The following GABRR3 variants were observed in gnomAD, a reference collection of about 807,000 sequenced individuals.
The protein encoded by GABRR3 is gamma-aminobutyric acid receptor subunit rho-3.
In GABRR3, 29 loss-of-function variants were observed where a neutral mutation model predicts 43.2. That is an observed-to-expected ratio of 0.67 (90% confidence interval 0.50 to 0.92). The LOEUF (loss-of-function observed/expected upper bound fraction) is 0.92, where lower values mean the gene tolerates loss of function less well. Among genes scored for constraint, GABRR3 ranks in the 40% least tolerant of loss-of-function variants. The pLI, the probability that GABRR3 is intolerant of heterozygous loss-of-function variation, is 0.00. For synonymous variants in GABRR3, 206 were observed against 195.9 expected, an observed-to-expected ratio of 1.05 and a Z score of -0.43; for missense variants, 576 against 572.3, an observed-to-expected ratio of 1.01 and a Z score of -0.07.
chr3:98,027,940 C>A (rs1707043354), intron 2 of GABRR3, among the ~76,000 whole-genome samples: 1 of 151,792 alleles, frequency 6.6e-6, no homozygotes, highest in Non-Finnish European at 1.5e-5. Context: ...TTATATCATT[C>A]TTTTTTTAAA....
In GABRR3 at chr3:98,029,516, A is replaced by G. The variant is rs377486942; in HGVS notation, c.126-3837T>C. Among the ~76,000 whole-genome samples the G allele has an allele frequency of 5.9e-5, 9 of 152,276 alleles. No individual in the cohort carries two copies. The East Asian group carries it at 1.2e-3, about 20-fold the overall frequency. On this transcript the variant is annotated intron_variant, in intron 2 of 9. Coordinates refer to ENST00000621172, the Ensembl canonical transcript of GABRR3. Reference sequence around the variant, plus strand: ...ACTCATTCTGCGGCATTGGAGTTTTATAAGTGGAATGATAAAAAATCATCT... The same window carrying G: ...ACTCATTCTGCGGCATTGGAGTTTTGTAAGTGGAATGATAAAAAATCATCT...
chr3:97,988,894 T>C (rs1044136902), intron 9 of GABRR3, among the ~76,000 whole-genome samples: 3 of 143,064 alleles, frequency 2.1e-5, no homozygotes, highest in Admixed American at 2.1e-4. Flanking sequence ...TAGTGGTGGA[T>C]AGTGGTGGTG....
chr3:98,030,975 C>G lies in GABRR3; in HGVS notation c.125+3888G>C, dbSNP rs534830599. ...TCCAATTTTTCATCACGAAGAAAAC[C>G]TTCATAATTCTTGATCCAATCTTTA... is the stretch of plus-strand genomic sequence containing the variant. On this transcript the variant is annotated intron_variant, in intron 2 of 9. Transcript: ENST00000621172. 5.3e-5 allele frequency among the ~76,000 whole-genome samples: 8 copies of G among 152,246 alleles called. 1 individual carries two copies. The South Asian group carries it at 1.7e-3, about 32-fold the overall frequency.
chr3:97,990,256 C>T (rs1370725024), intron 9 of GABRR3, among the ~76,000 whole-genome samples: 2 of 152,162 alleles, frequency 1.3e-5, no homozygotes, highest in African/African-American at 4.8e-5. Context: ...GAAGAAATGA[C>T]ACCACTGTGG....
chr3:98,007,695 T>A, intron 7 of GABRR3, 69 bp downstream of exon 7: 1 of 1,555,436 alleles, frequency 6.4e-7, no homozygotes, highest in Non-Finnish European at 8.8e-7. Context: ...TCTTTTCGCA[T>A]GTTGTGGTGC....
At chr3:98,002,472 A>G (rs1443063994) in intron 7 of GABRR3, among the ~76,000 whole-genome samples, 1 of 152,178 alleles carries the variant, frequency 6.6e-6, no homozygotes, top group Non-Finnish European at 1.5e-5. Context: ...ATTGACTACA[A>G]GGAAGTTTAA....
intron 8 of GABRR3, chr3:97,998,898 CA>C (rs1416188595): frequency 4.6e-5 from 7 of 152,064 alleles, no homozygotes; most frequent in Non-Finnish European, 7.4e-5. Context: ...TACATATTTT[CA>C]AATTCTATTT....
chr3:98,017,735 G>C lies in GABRR3; in HGVS notation c.239-13C>G. On this transcript the variant is annotated splice_polypyrimidine_tract_variant and intron_variant, in intron 3 of 9. Coordinates refer to ENST00000621172, the Ensembl canonical transcript of GABRR3. The stretch of plus-strand genomic sequence containing the variant: ...GGCACTGGAGACCCTTAAGAAAGAA[G>C]AATGGTTAATATGCTGAGGAATGCA... 1.3e-6 allele frequency: 2 copies of C among 1,581,848 alleles called. No homozygotes were observed. Among genetic ancestry groups the C allele is most frequent in the Non-Finnish European group, 1.7e-6 (2 of 1,153,540 alleles).
chr3:97,987,031 A>G (rs1432813100), intron 9 of GABRR3, 49 bp from the exon 10 acceptor site: 3 of 1,204,056 alleles, frequency 2.5e-6, no homozygotes, highest in Non-Finnish European at 3.4e-6. Flanking sequence ...GGTTTTACAA[A>G]TAGGAATTAT....
At chr3:97,986,545 C>G (rs1015644505), downstream of GABRR3, 4 of 594,670 alleles carry the variant, frequency 6.7e-6, no homozygotes, top group Non-Finnish European at 1.1e-5. Context: ...GTAAATCAGA[C>G]AGCTTTCAAA....
intron 7 of GABRR3, among the ~76,000 whole-genome samples, chr3:98,007,105 C>T (rs982384242): frequency 5.3e-5 from 8 of 152,052 alleles, no homozygotes; most frequent in East Asian, 3.9e-4. Flanking sequence ...GTCAAATAAA[C>T]GCATAGTTCA....
intron 3 of GABRR3, 67 bp from the exon 4 acceptor site, chr3:98,017,789 A>T: frequency 1.8e-6 from 2 of 1,128,968 alleles, no homozygotes; most frequent in Non-Finnish European, 1.3e-6. Flanking sequence ...CATTTAAAAC[A>T]GAGAGATTAA....
intron 9 of GABRR3, among the ~76,000 whole-genome samples, chr3:97,988,708 T>C (rs568006418): frequency 6.7e-6 from 1 of 148,160 alleles, no homozygotes; most frequent in South Asian, 2.2e-4. Flanking sequence ...TATGTGGTGG[T>C]GGGACTGTTG....
intron 7 of GABRR3, among the ~76,000 whole-genome samples, chr3:98,004,136 T>G (rs766753018): frequency 6.6e-6 from 1 of 152,136 alleles, no homozygotes; most frequent in Non-Finnish European, 1.5e-5. Flanking sequence ...TTTTTATACC[T>G]AGAGACAGTC....
At chr3:98,029,940 C>A (rs1707064715) in intron 2 of GABRR3, among the ~76,000 whole-genome samples, 1 of 151,752 alleles carries the variant, frequency 6.6e-6, no homozygotes, top group Admixed American at 6.6e-5. Context: ...ACATGGTAAA[C>A]CCCATCTCTA....
At chr3:97,998,916 C>T (rs140429675) in intron 8 of GABRR3, 7 of 152,172 alleles carry the variant, frequency 4.6e-5, no homozygotes, top group Non-Finnish European at 8.8e-5. Flanking sequence ...ATTTTAACAT[C>T]TAATATGGCT....
At chr3:98,035,085 T>C (rs1433242599) in intron 1 of GABRR3, 96 bp from the exon 2 acceptor site, 7 of 1,432,802 alleles carry the variant, frequency 4.9e-6, no homozygotes, top group Non-Finnish European at 6.6e-6. Flanking sequence ...ACAAACAGCA[T>C]GTCAGGGGAA....
chr3:97,987,917 A>G (rs1405292582), intron 9 of GABRR3, among the ~76,000 whole-genome samples: 1 of 152,056 alleles, frequency 6.6e-6, no homozygotes, highest in Admixed American at 6.5e-5. Context: ...AGCTGGGACT[A>G]TAGACACACA....
At chr3:98,016,482 C>G (rs1226203751) in intron 4 of GABRR3, among the ~76,000 whole-genome samples, 2 of 152,134 alleles carry the variant, frequency 1.3e-5, no homozygotes, top group African/African-American at 4.8e-5. Context: ...GTGTCATGCT[C>G]CTTGTATGGC....
Sources: allele counts gnomAD v4.1 joint callset (sites outside exome capture counted in the v4.1 genomes callset), GRCh38; gene constraint gnomAD v4.1.1; transcripts MANE v1.5; gene names NCBI Gene and HGNC (gene_info 2026-07-23, HGNC 2026-07-21).